ANKUB1: variants seen among roughly 807,000 people sequenced by gnomAD.
ANKUB1 encodes protein ANKUB1.
Under a neutral mutation model 49.3 loss-of-function variants are expected in ANKUB1, and 42 were observed. The observed-to-expected ratio is 0.85, with a 90% CI of 0.67 to 1.10. The LOEUF is 1.10. ANKUB1 is among the 50% of genes least tolerant of loss of function. The probability of loss-of-function intolerance (pLI) is 0.00; values close to 1 mark genes in which losing one functional copy is unlikely to be tolerated. For missense variants in ANKUB1, 613 were observed against 642.0 expected (o/e 0.95, Z 0.49); for synonymous variants, 222 against 231.0 (o/e 0.96, Z 0.35).
intron 2 of ANKUB1, among the ~76,000 whole-genome samples, chr3:149,781,460 T>C (rs1180584152): frequency 6.6e-6 from 1 of 152,200 alleles, no homozygotes; most frequent in Non-Finnish European, 1.5e-5. Flanking sequence ...GGCCTGTTGT[T>C]GGGTTGGCAG....
At chr3:149,769,943 G>T (rs929428257) in intron 4 of ANKUB1, among the ~76,000 whole-genome samples, 1 of 152,136 alleles carries the variant, frequency 6.6e-6, no homozygotes, top group Non-Finnish European at 1.5e-5. Context: ...TCAGGGTTCA[G>T]TTTGGGGATT....
At chr3:149,789,300 T>C (rs1350530847) in intron 2 of ANKUB1, among the ~76,000 whole-genome samples, 2 of 152,150 alleles carry the variant, frequency 1.3e-5, no homozygotes, top group African/African-American at 2.4e-5. Flanking sequence ...TACACTACCA[T>C]CTCTAAGCAA....
chr3:149,787,237 C>T (rs979801253), intron 2 of ANKUB1, among the ~76,000 whole-genome samples: 2 of 152,154 alleles, frequency 1.3e-5, no homozygotes, highest in African/African-American at 4.8e-5. Context: ...TTTGTGTCCT[C>T]TTTTATTTCG....
intron 5 of ANKUB1, chr3:149,766,567 A>C: frequency 2.6e-6 from 1 of 380,090 alleles, no homozygotes. Flanking sequence ...TGGGAGGCCA[A>C]GGTGGGAGGA....
At chr3:149,782,255 CT>C (rs1332241902) in intron 2 of ANKUB1, among the ~76,000 whole-genome samples, 12 of 151,758 alleles carry the variant, frequency 7.9e-5, no homozygotes, top group African/African-American at 2.4e-4. Context: ...CCAAGTCACT[CT>C]TTAAAAAAAA....
In ANKUB1 at chr3:149,780,390, C is replaced by G; in HGVS notation, c.300G>C (p.Glu100Asp). Residue 100 changes from glutamate (E) to aspartate (D), a missense_variant, in exon 3 of 6, where the codon GAG (glutamate) becomes GAC (aspartate). Transcript: ENST00000446160. ...CTGTTTTATCAAGAAGGGAAATGCT[C>G]TCCATTACTGGCATTGTGTCTTGAG... ...AVTQDTMPVM[E>D]SISLLDKTVS... The G allele has an allele frequency of 6.4e-7, 1 of 1,552,200 alleles. No homozygotes were observed. The highest frequency in any genetic ancestry group is 1.4e-5 in the African/African-American group (1 of 73,166).
At chr3:149,787,758 T>C (rs1399678862) in intron 2 of ANKUB1, among the ~76,000 whole-genome samples, 1 of 152,214 alleles carries the variant, frequency 6.6e-6, no homozygotes, top group Non-Finnish European at 1.5e-5. Flanking sequence ...AAGAATGTAT[T>C]TAACAGTAGA....
intron 4 of ANKUB1, 143 bp downstream of exon 4, chr3:149,770,417 T>C: frequency 3.2e-6 from 2 of 626,242 alleles, no homozygotes; most frequent in Non-Finnish European, 5.6e-6. Context: ...TCAATAATAA[T>C]ATTTGGTTGA....
At position 149,792,535 on chromosome 3, in the gene ANKUB1, G is replaced by A. The variant is rs1718404873; in HGVS notation, c.-169C>T. The A allele has an allele frequency of 2.3e-6, 1 of 443,100 alleles. No individual in the cohort carries two copies. The highest frequency in any genetic ancestry group is 4.0e-6 in the Non-Finnish European group (1 of 251,716). 27.4% of individuals were successfully genotyped at this position (443,100 alleles called of 1,614,324 possible). A position where few individuals can be genotyped will look rare whatever the true frequency, so the allele number is the denominator to read the frequency against. Reference sequence around the variant, plus strand: ...AATGTGAAGAGCCTAGTCCCACAGTGCCACAGTATCAGGCAACACAGACAC... The same window carrying A: ...AATGTGAAGAGCCTAGTCCCACAGTACCACAGTATCAGGCAACACAGACAC... On this transcript the variant is annotated 5_prime_UTR_variant, in exon 1 of 6. Coordinates refer to ENST00000446160, the MANE Select transcript of ANKUB1 (RefSeq NM_001144960.3).
intron 5 of ANKUB1, chr3:149,766,531 G>A: frequency 3.3e-6 from 1 of 303,378 alleles, no homozygotes; most frequent in Non-Finnish European, 6.5e-6. Context: ...TAGGCACAGT[G>A]GTTCATGCCT....
intron 2 of ANKUB1, among the ~76,000 whole-genome samples, chr3:149,786,551 A>G (rs1005962059): frequency 3.9e-5 from 6 of 152,148 alleles, no homozygotes. Flanking sequence ...CTCTGATGGT[A>G]GTTTCTTTTG....
At chr3:149,782,052 C>A (rs1471026365) in intron 2 of ANKUB1, among the ~76,000 whole-genome samples, 2 of 151,846 alleles carry the variant, frequency 1.3e-5, no homozygotes, top group Non-Finnish European at 1.5e-5. Context: ...TACGGGCAGG[C>A]AGAAATTCCT....
At chr3:149,790,975 A>C (rs944729670) in intron 1 of ANKUB1, 51 bp from the exon 2 acceptor site, 7 of 1,496,070 alleles carry the variant, frequency 4.7e-6, no homozygotes, top group Non-Finnish European at 5.4e-6. Flanking sequence ...ACGTTACTAG[A>C]CCAGAAATGT....
At chr3:149,774,043 G>A (rs988488374) in intron 3 of ANKUB1, among the ~76,000 whole-genome samples, 10 of 152,176 alleles carry the variant, frequency 6.6e-5, no homozygotes, top group African/African-American at 9.7e-5. Flanking sequence ...TTGGTAGGAA[G>A]TCAGTGTTCC....
chr3:149,787,287 A>G (rs572761547), intron 2 of ANKUB1, among the ~76,000 whole-genome samples: 149 of 152,306 alleles, frequency 9.8e-4, no homozygotes, highest in African/African-American at 3.6e-3. Flanking sequence ...GAGGTCCTTC[A>G]CATCCCTTGT....
intron 5 of ANKUB1, among the ~76,000 whole-genome samples, chr3:149,762,167 G>A (rs1287012564): frequency 6.6e-6 from 1 of 152,068 alleles, no homozygotes; most frequent in African/African-American, 2.4e-5. Context: ...AAATGTTGGG[G>A]TCCTCCAAGA....
chr3:149,781,494 G>A (rs759226685), intron 2 of ANKUB1, among the ~76,000 whole-genome samples: 2 of 152,162 alleles, frequency 1.3e-5, no homozygotes, highest in Non-Finnish European at 2.9e-5. Context: ...GCACCATCAC[G>A]GAATGCCCAT....
chr3:149,761,328 G>T lies in ANKUB1; in HGVS notation c.*156C>A. Reference sequence around the variant, plus strand: ...AGTTTCACTTAGTGTGATGAAGTCTGAGAAAACATGGTGTTAAATATCCTA... The same window carrying T: ...AGTTTCACTTAGTGTGATGAAGTCTTAGAAAACATGGTGTTAAATATCCTA... On this transcript the variant is annotated 3_prime_UTR_variant, in exon 6 of 6. Transcript: ENST00000446160. The T allele has an allele frequency of 1.2e-6, 1 of 848,904 alleles. No homozygotes were observed. The highest frequency in any genetic ancestry group is 1.7e-6 in the Non-Finnish European group (1 of 583,308). The allele number at this position is 848,904 out of a possible 1,614,324, so 52.6% of individuals were successfully genotyped here. A position where few individuals can be genotyped will look rare whatever the true frequency, so the allele number is the denominator to read the frequency against.
chr3:149,788,400 T>TG (rs1718209026), intron 2 of ANKUB1, among the ~76,000 whole-genome samples: 1 of 152,034 alleles, frequency 6.6e-6, no homozygotes, highest in Admixed American at 6.6e-5. Context: ...TTTTTTTTTT[T>TG]GAGACAGGGT....
Sources: gnomAD v4.1 joint callset for allele counts (sites outside exome capture counted in the v4.1 genomes callset) on GRCh38, gnomAD v4.1.1 for gene constraint, MANE v1.5 for transcripts, NCBI Gene and HGNC (gene_info 2026-07-23, HGNC 2026-07-21) for gene names.